The following TRIP11 variants were observed in gnomAD, a reference collection of about 807,000 sequenced individuals.
TRIP11 encodes the protein thyroid hormone receptor interactor 11, also known as thyroid receptor-interacting protein 11.
TRIP11 carries 148 observed loss-of-function variants against 223.1 expected under a neutral mutation model. The observed-to-expected ratio is 0.66, with a 90% confidence interval of 0.58 to 0.76. TRIP11 has a LOEUF of 0.76. TRIP11 is among the 30% of genes least tolerant of loss of function. The probability of loss-of-function intolerance (pLI) is 0.00; values close to 1 mark genes in which losing one functional copy is unlikely to be tolerated. For synonymous variants in TRIP11, 762 were observed against 772.6 expected (o/e 0.99, Z 0.23); for missense variants, 2,043 against 2,222.0 (o/e 0.92, Z 1.62).
chr14:91,974,580 C>T, intron 19 of TRIP11, 47 bp downstream of exon 19: 1 of 1,363,162 alleles, frequency 7.3e-7, no homozygotes, highest in Non-Finnish European at 1.0e-6. Context: ...ATGTAATATA[C>T]AGTCATTTTA....
chr14:92,033,649 G>C (rs1444877946), intron 1 of TRIP11, among the ~76,000 whole-genome samples: 1 of 152,186 alleles, frequency 6.6e-6, no homozygotes, highest in African/African-American at 2.4e-5. Context: ...AGAAAGAGGA[G>C]AGAAACACAA....
At chr14:91,992,190 T>C (rs2056682750) in intron 15 of TRIP11, among the ~76,000 whole-genome samples, 2 of 151,438 alleles carry the variant, frequency 1.3e-5, no homozygotes. Flanking sequence ...AAACAATGGA[T>C]TGTTTGGAGC....
rs549888060 is a variant in TRIP11, at chr14:92,015,517, G to A, written c.823+179C>T. The stretch of plus-strand genomic sequence containing the variant: ...CTACTAAAAATACAAAAATTAGCTG[G>A]GCATGGTGGCAGGCACCTGTAATCC... On this transcript the variant is annotated intron_variant, in intron 6 of 20. Transcript: ENST00000267622. 2.6e-5 allele frequency among the ~76,000 whole-genome samples: 4 copies of A among 151,990 alleles called. No individual in the cohort carries two copies. The South Asian group carries it at 8.3e-4, about 32-fold the overall frequency.
At chr14:92,031,369 T>C (rs1375507050) in intron 2 of TRIP11, among the ~76,000 whole-genome samples, 1 of 151,898 alleles carries the variant, frequency 6.6e-6, no homozygotes, top group East Asian at 1.9e-4. Flanking sequence ...CCTCCCAAAG[T>C]GCTGGGATTA....
chr14:92,030,617 G>A (rs1194013931), intron 2 of TRIP11: 1 of 152,146 alleles, frequency 6.6e-6, no homozygotes, highest in Non-Finnish European at 1.5e-5. Context: ...GAACTCAGGT[G>A]ATCCACCCAC....
chr14:91,992,552 A>G (rs528946078), intron 15 of TRIP11, among the ~76,000 whole-genome samples: 1 of 152,206 alleles, frequency 6.6e-6, no homozygotes, highest in African/African-American at 2.4e-5. Flanking sequence ...CAGCATAATT[A>G]CCTCCACTAA....
At chr14:91,979,161 G>A (rs1003763966) in intron 16 of TRIP11, among the ~76,000 whole-genome samples, 1 of 151,792 alleles carries the variant, frequency 6.6e-6, no homozygotes, top group Non-Finnish European at 1.5e-5. Flanking sequence ...GGAGGCTGAG[G>A]CGGGAGGATC....
chr14:92,032,824 C>A (rs61988391), intron 2 of TRIP11, among the ~76,000 whole-genome samples: 1 of 148,184 alleles, frequency 6.7e-6, no homozygotes, highest in African/African-American at 2.5e-5. Context: ...CAGAGTGAGA[C>A]CCCGTTTCAA....
chr14:91,988,243 C>T, intron 16 of TRIP11, 41 bp downstream of exon 16: 1 of 1,454,548 alleles, frequency 6.9e-7, no homozygotes, highest in Non-Finnish European at 9.6e-7. Flanking sequence ...GATTTAATAT[C>T]AGTATTGTAG....
intron 1 of TRIP11, among the ~76,000 whole-genome samples, chr14:92,034,946 C>T (rs776966071): frequency 2.6e-5 from 4 of 151,908 alleles, no homozygotes; most frequent in Non-Finnish European, 4.4e-5. Context: ...TGGTTTTGTA[C>T]ATTTTCATTT....
chr14:92,007,008 T>G (rs1178042138), intron 10 of TRIP11, among the ~76,000 whole-genome samples: 1 of 151,158 alleles, frequency 6.6e-6, no homozygotes, highest in Non-Finnish European at 1.5e-5. Flanking sequence ...GATAAGAATT[T>G]AAAACCAAAG....
intron 1 of TRIP11, among the ~76,000 whole-genome samples, chr14:92,038,874 T>C (rs1029928789): frequency 5.3e-5 from 8 of 152,174 alleles, no homozygotes; most frequent in African/African-American, 1.9e-4. Context: ...CACTATTCAT[T>C]AGTAAAACGA....
intron 7 of TRIP11, among the ~76,000 whole-genome samples, chr14:92,013,169 A>G: frequency 6.6e-6 from 1 of 152,166 alleles, no homozygotes; most frequent in East Asian, 1.9e-4. Flanking sequence ...TGGGAGGCTG[A>G]GGGAGGAGCA....
At position 91,992,018 on chromosome 14, in the gene TRIP11, T is replaced by C. The variant is rs1251960125; in HGVS notation, c.5160+1791A>G. Among the ~76,000 whole-genome samples the C allele has an allele frequency of 2.1e-5, 3 of 140,234 alleles. No individual in the cohort carries two copies. The East Asian group carries it at 6.2e-4, about 29-fold the overall frequency. The allele number at this position is 140,234 out of a possible 152,430, so 92.0% of individuals were successfully genotyped here. A position where few individuals can be genotyped will look rare whatever the true frequency, so the allele number is the denominator to read the frequency against. Reference sequence around the variant, plus strand: ...GAATCACTTGAACCCAGGGCAAAGGTTGTAGTGAGCTGAGATCACGCCCTT... The same window carrying C: ...GAATCACTTGAACCCAGGGCAAAGGCTGTAGTGAGCTGAGATCACGCCCTT... On this transcript the variant is annotated intron_variant, in intron 15 of 20. Coordinates refer to ENST00000267622, the MANE Select transcript of TRIP11 (RefSeq NM_004239.4).
At chr14:92,017,661 T>A (rs765222831) in intron 5 of TRIP11, 21 bp downstream of exon 5, 2 of 1,582,054 alleles carry the variant, frequency 1.3e-6, no homozygotes, top group Non-Finnish European at 1.7e-6. Flanking sequence ...ACTCCCATCA[T>A]CAATCAACAA....
In TRIP11 at chr14:92,040,029, A is replaced by G. The variant is rs1337260294; in HGVS notation, c.-344T>C. ...TCCTGCCAACTCGACGCCGGCCGCC[A>G]TGACACTCGCTCGGAAAGCGGCAGC... On this transcript the variant is annotated 5_prime_UTR_variant, in exon 1 of 21. It removes an upstream start codon present in the reference 5' UTR. Coordinates refer to ENST00000267622, the MANE Select transcript of TRIP11 (RefSeq NM_004239.4). 3 of 425,990 alleles carry G rather than the reference A, an allele frequency of 7.0e-6. No homozygotes were observed. Among genetic ancestry groups the G allele is most frequent in the African/African-American group, 3.9e-5 (2 of 50,754 alleles). 26.4% of individuals were successfully genotyped at this position (425,990 alleles called of 1,614,324 possible).
At chr14:92,017,040 T>C (rs1302713306) in intron 5 of TRIP11, among the ~76,000 whole-genome samples, 2 of 152,204 alleles carry the variant, frequency 1.3e-5, no homozygotes, top group Non-Finnish European at 2.9e-5. Flanking sequence ...ATATTAGTAT[T>C]TTATTTTGTC....
intron 15 of TRIP11, among the ~76,000 whole-genome samples, chr14:91,991,005 G>T (rs1418957891): frequency 1.3e-5 from 2 of 152,196 alleles, no homozygotes; most frequent in African/African-American, 2.4e-5. Flanking sequence ...AATTAGGGAA[G>T]TGCAAATTAA....
At chr14:91,999,549 C>T in intron 12 of TRIP11, 116 bp from the exon 13 acceptor site, 1 of 1,100,848 alleles carries the variant, frequency 9.1e-7, no homozygotes, top group Non-Finnish European at 1.3e-6. Flanking sequence ...ACCAATTTCT[C>T]ATACTGCAAA....
Sources: gnomAD v4.1 joint callset for allele counts (sites outside exome capture counted in the v4.1 genomes callset) on GRCh38, gnomAD v4.1.1 for gene constraint, MANE v1.5 for transcripts, NCBI Gene and HGNC (gene_info 2026-07-23, HGNC 2026-07-21) for gene names.